The following ASB3 variants were observed in gnomAD, a reference collection of about 807,000 sequenced individuals.
ASB3 encodes ankyrin repeat and SOCS box containing 3, also known as ankyrin repeat and SOCS box protein 3.
ASB3 carries 41 observed loss-of-function variants against 54.5 expected under a neutral mutation model. That is an observed-to-expected ratio of 0.75 (90% CI 0.59 to 0.98). The LOEUF (loss-of-function observed/expected upper bound fraction) is 0.98. Ranked by LOEUF, ASB3 falls within the 50% of genes least tolerant of loss-of-function variation. The pLI is 0.00. For missense variants in ASB3, 733 were observed against 620.0 expected (o/e 1.18, Z -1.94); for synonymous variants, 266 against 221.2 (o/e 1.20, Z -1.80).
At chr2:53,752,785 T>G (rs150656935) in intron 2 of ASB3, among the ~76,000 whole-genome samples, 2 of 152,294 alleles carry the variant, frequency 1.3e-5, no homozygotes, top group African/African-American at 4.8e-5. Flanking sequence ...TGAAGTAATG[T>G]GCTCCTGGTA....
At chr2:53,783,982 TAGTCTAAATTAC>T (rs1277911154) in intron 1 of ASB3, among the ~76,000 whole-genome samples, 1 of 152,174 alleles carries the variant, frequency 6.6e-6, no homozygotes, top group Non-Finnish European at 1.5e-5. Context: ...GTAAAGCAAC[TAGTCTAAATTAC>T]ATGTGTGAGA....
At chr2:53,732,062 G>A (rs960009016) in intron 3 of ASB3, among the ~76,000 whole-genome samples, 7 of 152,014 alleles carry the variant, frequency 4.6e-5, no homozygotes, top group Non-Finnish European at 7.4e-5. Context: ...GGTTTCATGC[G>A]ATTCTTCTGC....
At chr2:53,692,914 A>C (rs1340724952) in intron 9 of ASB3, among the ~76,000 whole-genome samples, 1 of 152,146 alleles carries the variant, frequency 6.6e-6, no homozygotes, top group Non-Finnish European at 1.5e-5. Context: ...ACTCCAAATC[A>C]ATTCTTTTTC....
chr2:53,754,846 T>C (rs963224496), intron 2 of ASB3, among the ~76,000 whole-genome samples: 6 of 152,164 alleles, frequency 3.9e-5, no homozygotes, highest in Non-Finnish European at 1.5e-5. Flanking sequence ...TTTAAGAAAA[T>C]TTTCACCACC....
chr2:53,729,622 G>A (rs1671191165), intron 3 of ASB3, 52 bp from the exon 4 acceptor site: 1 of 1,504,562 alleles, frequency 6.6e-7, no homozygotes. Context: ...CATGTTTGTA[G>A]GACTGGACAC....
chr2:53,776,800 C>A (rs999343823), intron 1 of ASB3, among the ~76,000 whole-genome samples: 1 of 152,164 alleles, frequency 6.6e-6, no homozygotes, highest in African/African-American at 2.4e-5. Context: ...GGCTGGGCAA[C>A]AGAGCAAGAC....
intron 9 of ASB3, among the ~76,000 whole-genome samples, chr2:53,682,196 A>G (rs1238744238): frequency 2.6e-5 from 4 of 151,098 alleles, no homozygotes; most frequent in African/African-American, 9.7e-5. Flanking sequence ...TGCTTTTTCT[A>G]TTTCTGTGAA....
At chr2:53,727,255 G>A (rs1430821042) in intron 5 of ASB3, among the ~76,000 whole-genome samples, 2 of 152,140 alleles carry the variant, frequency 1.3e-5, no homozygotes, top group East Asian at 3.9e-4. Context: ...CCTTCAATTG[G>A]CACTTAATGA....
At position 53,685,648 on chromosome 2, in the gene ASB3, T is replaced by A. The variant is rs558109338; in HGVS notation, c.1369+8236A>T. Among the ~76,000 whole-genome samples the A allele has an allele frequency of 2.0e-5, 3 of 152,306 alleles. No individual in the cohort carries two copies. In the East Asian group the frequency reaches 5.8e-4, roughly 29 times the overall value. ...ATGGAAAGACTACCTTATAAAAAGA[T>A]GAGGATTATGGCAAGTGACTCTTTC... is the stretch of plus-strand genomic sequence containing the variant. On this transcript the variant is annotated intron_variant, in intron 9 of 9. Coordinates refer to ENST00000263634, the MANE Select transcript of ASB3 (RefSeq NM_016115.5).
chr2:53,749,357 T>C (rs1267388531), intron 3 of ASB3, among the ~76,000 whole-genome samples: 1 of 152,070 alleles, frequency 6.6e-6, no homozygotes, highest in East Asian at 1.9e-4. Context: ...GTCTCAAACA[T>C]TACTGAACGA....
Position 53,670,292 on chromosome 2 carries a change from ATTTTTTTT to A in ASB3, c.*203_*210del, listed in dbSNP as rs757738523. 1,993 of 178,588 alleles carry A rather than the reference ATTTTTTTT, an allele frequency of 0.011. 7 individuals are homozygous for A. The highest frequency in any genetic ancestry group is 0.021 in the Middle Eastern group (10 of 480). 11.1% of individuals were successfully genotyped at this position (178,588 alleles called of 1,614,324 possible). ...TAAAGTAATATAAGTGATGTTTACA[ATTTTTTTT>A]TTTTTTTTTTTTTTTTTTACTGGGA... On this transcript the variant is annotated 3_prime_UTR_variant, in exon 10 of 10. Transcript: ENST00000263634.
chr2:53,773,292 AT>A (rs1319312066), intron 1 of ASB3, among the ~76,000 whole-genome samples: 4 of 150,314 alleles, frequency 2.7e-5, no homozygotes, highest in South Asian at 2.1e-4. Flanking sequence ...TTAAAAAAAA[AT>A]TTTTTTAAGA....
chr2:53,781,670 T>C (rs12612589), intron 1 of ASB3, among the ~76,000 whole-genome samples: 10,477 of 152,206 alleles, frequency 0.069, 472 homozygotes, highest in East Asian at 0.18. Context: ...TAATTTTCTA[T>C]TTTCAGGAGA....
intron 8 of ASB3, among the ~76,000 whole-genome samples, chr2:53,697,796 A>C (rs1484027752): frequency 6.6e-6 from 1 of 152,198 alleles, no homozygotes; most frequent in African/African-American, 2.4e-5. Context: ...TTCCTGGATA[A>C]ACTGGGATGG....
At chr2:53,689,246 T>C (rs888396322) in intron 9 of ASB3, among the ~76,000 whole-genome samples, 3 of 152,124 alleles carry the variant, frequency 2.0e-5, no homozygotes, top group African/African-American at 4.8e-5. Flanking sequence ...TTATATTCTG[T>C]CTGCTGTTCA....
At chr2:53,712,356 G>A (rs1670148158) in intron 7 of ASB3, among the ~76,000 whole-genome samples, 1 of 152,096 alleles carries the variant, frequency 6.6e-6, no homozygotes. Context: ...TCCTCAGTAA[G>A]TTTAACAGGA....
At chr2:53,718,722 C>G (rs1006045959) in intron 5 of ASB3, among the ~76,000 whole-genome samples, 1 of 150,188 alleles carries the variant, frequency 6.7e-6, no homozygotes, top group African/African-American at 2.5e-5. Flanking sequence ...TCGCCTTTTA[C>G]GAAACATCCT....
At chr2:53,774,501 G>A in intron 1 of ASB3, 2 of 1,557,632 alleles carry the variant, frequency 1.3e-6, no homozygotes, top group South Asian at 1.3e-5. Context: ...GTTTAGAAGG[G>A]AAACAGAACC....
At chr2:53,706,580 G>C (rs373670821) in intron 7 of ASB3, among the ~76,000 whole-genome samples, 20 of 152,102 alleles carry the variant, frequency 1.3e-4, no homozygotes, top group African/African-American at 4.3e-4. Context: ...TGAGTAGTTG[G>C]GACTATAGGC....
Sources: allele counts gnomAD v4.1 joint callset (sites outside exome capture counted in the v4.1 genomes callset), GRCh38; gene constraint gnomAD v4.1.1; transcripts MANE v1.5; gene names NCBI Gene and HGNC (gene_info 2026-07-23, HGNC 2026-07-21).